ARHGEF10L: variants seen among roughly 807,000 people sequenced by gnomAD.
ARHGEF10L encodes rho guanine nucleotide exchange factor 10-like protein.
A neutral mutation model predicts 141.2 loss-of-function variants in ARHGEF10L; 69 were observed. The observed-to-expected ratio is 0.49, with a 90% CI of 0.40 to 0.60. The LOEUF (loss-of-function observed/expected upper bound fraction) is 0.60. Ranked by LOEUF, ARHGEF10L falls within the 20% of genes least tolerant of loss-of-function variation. The pLI, the probability that ARHGEF10L is intolerant of heterozygous loss-of-function variation, is 0.00. For missense variants in ARHGEF10L, 1,482 were observed against 1,734.3 expected (o/e 0.85, Z 2.58); for synonymous variants, 711 against 718.5 (o/e 0.99, Z 0.17).
At chr1:17,578,533 A>C (rs1378273895) in intron 1 of ARHGEF10L, among the ~76,000 whole-genome samples, 2 of 91,370 alleles carry the variant, frequency 2.2e-5, no homozygotes, top group African/African-American at 6.4e-5. Context: ...AAAAATTTTA[A>C]AAAATTAGCC....
At chr1:17,650,783 C>G (rs1314978772) in intron 22 of ARHGEF10L, among the ~76,000 whole-genome samples, 1 of 150,836 alleles carries the variant, frequency 6.6e-6, no homozygotes, top group Non-Finnish European at 1.5e-5. Context: ...GCTCAGAGCT[C>G]AGCTCAGGGT....
At chr1:17,634,794 G>A (rs1213660860) in intron 17 of ARHGEF10L, 41 bp from the exon 18 acceptor site, 1 of 1,564,100 alleles carries the variant, frequency 6.4e-7, no homozygotes, top group Non-Finnish European at 8.7e-7. Flanking sequence ...GGGCAGGGTG[G>A]CTGCAGCCTC....
At chr1:17,553,849 C>T (rs2077203855) in intron 1 of ARHGEF10L, among the ~76,000 whole-genome samples, 1 of 152,092 alleles carries the variant, frequency 6.6e-6, no homozygotes, top group Admixed American at 6.6e-5. Flanking sequence ...ACTTGAGTAC[C>T]ACTGGGTGCC....
chr1:17,674,572 A>G (rs1370367039), intron 26 of ARHGEF10L, among the ~76,000 whole-genome samples: 1 of 152,182 alleles, frequency 6.6e-6, no homozygotes, highest in Non-Finnish European at 1.5e-5. Context: ...GGGGTGGGCC[A>G]GGCTCTCTGG....
chr1:17,678,170 A>G (rs932940976), intron 26 of ARHGEF10L, among the ~76,000 whole-genome samples: 1 of 152,184 alleles, frequency 6.6e-6, no homozygotes, highest in African/African-American at 2.4e-5. Context: ...AGGTTGGAGT[A>G]GCTGCCAAGG....
the ARHGEF10L span, among the ~76,000 whole-genome samples, chr1:17,520,694 G>A: frequency 6.6e-6 from 1 of 152,194 alleles, no homozygotes; most frequent in Non-Finnish European, 1.5e-5. Flanking sequence ...CAGCCACCTA[G>A]CAGGGCAGGT....
intron 4 of ARHGEF10L, among the ~76,000 whole-genome samples, chr1:17,591,018 C>A (rs1019424562): frequency 4.6e-5 from 7 of 152,208 alleles, no homozygotes; most frequent in Middle Eastern, 3.4e-3. Flanking sequence ...CAAAACCAAC[C>A]AAAGAATACC....
the ARHGEF10L span, among the ~76,000 whole-genome samples, chr1:17,533,401 C>T: frequency 2.0e-5 from 3 of 152,098 alleles, no homozygotes; most frequent in African/African-American, 7.2e-5. Flanking sequence ...AACTCTTGGC[C>T]TCAAGCAATC....
At chr1:17,696,713 G>C in intron 28 of ARHGEF10L, 135 bp from the exon 29 acceptor site, 1 of 920,102 alleles carries the variant, frequency 1.1e-6, no homozygotes. Flanking sequence ...TGTGGCCTTC[G>C]GGGGAGGTGC....
At chr1:17,586,223 G>A (rs561385846) in intron 2 of ARHGEF10L, among the ~76,000 whole-genome samples, 62 of 152,348 alleles carry the variant, frequency 4.1e-4, no homozygotes, top group African/African-American at 1.5e-3. Context: ...TCAGCCTTAT[G>A]GGGAAAGTGC....
chr1:17,654,268 C>T lies in ARHGEF10L; in HGVS notation c.2395-368C>T, dbSNP rs1329590683. On this transcript the variant is annotated intron_variant, in intron 22 of 28. Coordinates refer to ENST00000361221, the MANE Select transcript of ARHGEF10L (RefSeq NM_018125.4). This position sits in a 1 kb window ranked among gnomAD's most constrained non-coding sequence, Gnocchi z 4.3. The stretch of plus-strand genomic sequence containing the variant: ...TCACAAGCCGCCCAGCCCTGCCACT[C>T]ACCTCCTCTGTGGTCTAGGGTAGTC... 6.6e-6 allele frequency among the ~76,000 whole-genome samples: 1 copy of T among 152,210 alleles called. No individual in the cohort carries two copies. The highest frequency in any genetic ancestry group is 2.4e-5 in the African/African-American group (1 of 41,460).
intron 15 of ARHGEF10L, among the ~76,000 whole-genome samples, chr1:17,631,269 C>T (rs2060673112): frequency 6.6e-6 from 1 of 152,080 alleles, no homozygotes; most frequent in Non-Finnish European, 1.5e-5. Flanking sequence ...TCCCTCCCTC[C>T]CAGAAAAAAA....
chr1:17,665,362 T>C (rs1029682276), intron 26 of ARHGEF10L, among the ~76,000 whole-genome samples: 1 of 152,136 alleles, frequency 6.6e-6, no homozygotes, highest in African/African-American at 2.4e-5. Context: ...AGACACTAAG[T>C]GGAGTCCTGG....
chr1:17,619,931 G>C lies in ARHGEF10L; in HGVS notation c.942+486G>C, dbSNP rs1009683510. ...TGGCTGGGTGCGGTGGCTCATGCCT[G>C]TAACCCCAGCACTTTGGGAGGGTGA... On this transcript the variant is annotated intron_variant, in intron 10 of 28. Coordinates refer to ENST00000361221, the MANE Select transcript of ARHGEF10L (RefSeq NM_018125.4). The surrounding 1 kb of genome is among the most constrained non-coding windows in gnomAD (Gnocchi z 5.0). Among the ~76,000 whole-genome samples, 1 of 152,120 alleles carries C rather than the reference G, an allele frequency of 6.6e-6. No individual in the cohort carries two copies. The highest frequency in any genetic ancestry group is 1.5e-5 in the Non-Finnish European group (1 of 68,026).
At chr1:17,664,739 G>A (rs1422011106) in intron 26 of ARHGEF10L, 144 bp downstream of exon 26, 1 of 1,120,404 alleles carries the variant, frequency 8.9e-7, no homozygotes, top group African/African-American at 1.6e-5. Context: ...AGCAGAGGGG[G>A]CCCAAGGTCC....
chr1:17,678,605 G>A (rs2063877126), intron 26 of ARHGEF10L, among the ~76,000 whole-genome samples: 1 of 152,104 alleles, frequency 6.6e-6, no homozygotes, highest in African/African-American at 2.4e-5. Flanking sequence ...TTTTAGTAGA[G>A]ATGAGGTTTC....
rs909599599 is a variant in ARHGEF10L, at chr1:17,588,573, C to T, written c.257+94C>T. ...GGGTGGAGCTGAGGCCCAGAGGACC[C>T]GACTGGTCTTTGGCTAAGGAGGAAA... On this transcript the variant is annotated intron_variant, in intron 4 of 28. Transcript: ENST00000361221. 96 of 1,506,304 alleles carry T rather than the reference C, an allele frequency of 6.4e-5. 3 individuals are homozygous for T. In the South Asian group the frequency reaches 7.9e-4, roughly 12 times the overall value. The allele number at this position is 1,506,304 out of a possible 1,614,324, so 93.3% of individuals were successfully genotyped here. A position where few individuals can be genotyped will look rare whatever the true frequency, so the allele number is the denominator to read the frequency against.
chr1:17,645,899 C>T (rs188209645), intron 21 of ARHGEF10L, among the ~76,000 whole-genome samples: 43 of 152,310 alleles, frequency 2.8e-4, no homozygotes, highest in Admixed American at 2.6e-3. Context: ...GTGCAGGGCA[C>T]GTAGAAGTGT....
At chr1:17,605,696 C>T (rs2081107638) in intron 6 of ARHGEF10L, among the ~76,000 whole-genome samples, 1 of 152,154 alleles carries the variant, frequency 6.6e-6, no homozygotes, top group Admixed American at 6.5e-5. Flanking sequence ...CGCTGGGAGC[C>T]GTGGCACACC....
Sources: gnomAD v4.1 joint callset for allele counts (sites outside exome capture counted in the v4.1 genomes callset) on GRCh38, gnomAD v4.1.1 for gene constraint, Gnocchi (gnomAD v3.1) non-coding constraint, MANE v1.5 for transcripts, NCBI Gene and HGNC (gene_info 2026-07-23, HGNC 2026-07-21) for gene names.